The following SIPA1L3 variants were observed in gnomAD, a reference collection of about 807,000 sequenced individuals.
The protein encoded by SIPA1L3 is signal induced proliferation associated 1 like 3.
Under a neutral mutation model 150.1 loss-of-function variants are expected in SIPA1L3, and 59 were observed. That is an observed-to-expected ratio of 0.39 (90% CI 0.32 to 0.49). SIPA1L3 has a LOEUF of 0.49. Ranked by LOEUF, SIPA1L3 falls within the 20% of genes least tolerant of loss-of-function variation. The pLI is 0.86. For missense variants in SIPA1L3, 2,211 were observed against 2,489.5 expected (o/e 0.89, Z 2.38); for synonymous variants, 1,070 against 1,077.6 (o/e 0.99, Z 0.14).
intron 1 of SIPA1L3, among the ~76,000 whole-genome samples, chr19:37,973,079 G>A (rs1966980600): frequency 6.6e-6 from 1 of 151,746 alleles, no homozygotes; most frequent in Non-Finnish European, 1.5e-5. Flanking sequence ...AAAGGGGGGA[G>A]GATAGGTATT....
At chr19:37,956,062 G>A (rs989000799) in intron 1 of SIPA1L3, among the ~76,000 whole-genome samples, 1 of 152,158 alleles carries the variant, frequency 6.6e-6, no homozygotes, top group Non-Finnish European at 1.5e-5. Context: ...TGATCATGGC[G>A]CACTACAGTA....
At chr19:38,165,014 A>C in intron 15 of SIPA1L3, 108 bp downstream of exon 15, 1 of 1,032,390 alleles carries the variant, frequency 9.7e-7, no homozygotes, top group Non-Finnish European at 1.4e-6. Context: ...CTCACGGATG[A>C]ATGCGCCTAG....
In SIPA1L3 at chr19:38,192,299, A is replaced by G; in HGVS notation, c.4585A>G (p.Arg1529Gly). Residue 1529 changes from arginine (R) to glycine (G), a missense_variant, in exon 17 of 22, where the codon AGA (arginine) becomes GGA (glycine). Arg to Gly is a moderately radical substitution (Grantham distance 125). Around this residue, in one of 5 missense-constraint regions of SIPA1L3, gnomAD observed 806 missense variants for 870.1 expected, o/e 0.93. Coordinates refer to ENST00000222345, the MANE Select transcript of SIPA1L3 (RefSeq NM_015073.3). ...IMDNLGPEQE[R>G]DTGQSPQKGL... ...GGACAACCTGGGGCCAGAGCAGGAG[A>G]GAGACACGGGAGTACGTAGGGCCCT... 1 of 1,607,418 alleles carries G rather than the reference A, an allele frequency of 6.2e-7. No homozygotes were observed. Among genetic ancestry groups the G allele is most frequent in the East Asian group, 2.2e-5 (1 of 44,494 alleles).
intron 10 of SIPA1L3, among the ~76,000 whole-genome samples, chr19:38,138,511 C>G (rs1008992794): frequency 1.6e-5 from 1 of 62,998 alleles, no homozygotes; most frequent in African/African-American, 1.0e-4. Flanking sequence ...ACTCAGACAC[C>G]CTCACCAGGA....
chr19:38,188,377 G>A (rs966136967), intron 16 of SIPA1L3, among the ~76,000 whole-genome samples: 1 of 151,554 alleles, frequency 6.6e-6, no homozygotes, highest in East Asian at 2.0e-4. Flanking sequence ...TAGAGAAGGG[G>A]TTTTACCATG....
At chr19:38,107,243 T>C (rs1331510289) in intron 7 of SIPA1L3, among the ~76,000 whole-genome samples, 1 of 152,072 alleles carries the variant, frequency 6.6e-6, no homozygotes. Context: ...CAGAGCTGAG[T>C]CTCATTGGAC....
intron 1 of SIPA1L3, among the ~76,000 whole-genome samples, chr19:37,963,086 T>C (rs2046873964): frequency 6.6e-6 from 1 of 152,238 alleles, no homozygotes; most frequent in Non-Finnish European, 1.5e-5. Context: ...CCAATAAAGC[T>C]TCCATCCTTT....
chr19:38,119,982 G>A (rs750177289), intron 9 of SIPA1L3, 100 bp downstream of exon 9: 11 of 761,986 alleles, frequency 1.4e-5, no homozygotes, highest in South Asian at 3.7e-5. Flanking sequence ...GCTAAGACAC[G>A]CACTGGCCCG....
At chr19:38,089,063 G>A (rs1970204372) in intron 4 of SIPA1L3, among the ~76,000 whole-genome samples, 2 of 152,124 alleles carry the variant, frequency 1.3e-5, no homozygotes, top group Non-Finnish European at 2.9e-5. Context: ...GCTCACGCCT[G>A]TAATCCCAGC....
rs556851217 is a variant in SIPA1L3 at position 38,109,089 on chromosome 19, G to A, written c.2134-1138G>A. ...CTGTGAAGATAACAGAGTCTTCCTC[G>A]GAGACTGACCAGCAGGGGAGAGGTG... is the stretch of plus-strand genomic sequence containing the variant. On this transcript the variant is annotated intron_variant, in intron 7 of 21. Transcript: ENST00000222345. Among the ~76,000 whole-genome samples the A allele has an allele frequency of 1.3e-4, 20 of 152,224 alleles. No individual in the cohort carries two copies. In the South Asian group the frequency reaches 3.5e-3, roughly 27 times the overall value.
intron 13 of SIPA1L3, among the ~76,000 whole-genome samples, chr19:38,156,218 G>A (rs1971946423): frequency 6.6e-6 from 1 of 152,054 alleles, no homozygotes; most frequent in Non-Finnish European, 1.5e-5. Context: ...GTCACTGCCT[G>A]CAATTCTGTC....
At chr19:38,060,633 C>G (rs1443551758) in intron 2 of SIPA1L3, among the ~76,000 whole-genome samples, 1 of 152,180 alleles carries the variant, frequency 6.6e-6, no homozygotes, top group Non-Finnish European at 1.5e-5. Context: ...GATCTTTGCT[C>G]TGCAATGAGC....
chr19:38,082,646 T>G lies in SIPA1L3; in HGVS notation c.1081T>G (p.Ser361Ala). Reference protein sequence around the residue: ...DLNEAAANRVSVSQRRNTTTG... With the variant: ...DLNEAAANRVAVSQRRNTTTG... ...CAACGAGGCGGCCGCCAACAGGGTG[T>G]CGGTGTCGCAGCGGCGGAACACCAC... The change falls in exon 3 of 22, where the codon TCG becomes GCG. Residue 361 changes from serine (S) to alanine (A), a missense_variant. Transcript: ENST00000222345. The G allele has an allele frequency of 1.2e-6, 2 of 1,606,668 alleles. No homozygotes were observed.
At chr19:37,976,637 C>A (rs1967083609) in intron 1 of SIPA1L3, among the ~76,000 whole-genome samples, 1 of 152,084 alleles carries the variant, frequency 6.6e-6, no homozygotes, top group South Asian at 2.1e-4. Context: ...GAATCCCAAC[C>A]TCACTCCTTA....
intron 1 of SIPA1L3, among the ~76,000 whole-genome samples, chr19:37,923,791 G>A (rs1261803454): frequency 2.0e-5 from 3 of 148,488 alleles, no homozygotes; most frequent in Admixed American, 6.7e-5. Flanking sequence ...ACAGAGTCTC[G>A]TTCTGTTACC....
At position 38,082,658 on chromosome 19, in the gene SIPA1L3, C is replaced by T. The variant is rs369088394; in HGVS notation, c.1093C>T (p.Arg365Trp). The T allele has an allele frequency of 1.1e-4, 173 of 1,607,384 alleles. No individual in the cohort carries two copies. The highest frequency in any genetic ancestry group is 1.4e-4 in the Non-Finnish European group (167 of 1,179,604). ...AAANRVSVSQ[R>W]RNTTTGASAA... ...CGCCAACAGGGTGTCGGTGTCGCAG[C>T]GGCGGAACACCACCACGGGTGCTTC... The change falls in exon 3 of 22, where the codon CGG becomes TGG. Residue 365 changes from arginine (R) to tryptophan (W), a missense_variant. Arg to Trp is a moderately radical substitution (Grantham distance 101). Coordinates refer to ENST00000222345, the MANE Select transcript of SIPA1L3 (RefSeq NM_015073.3).
At chr19:38,198,275 T>G (rs1196977362) in intron 18 of SIPA1L3, 114 bp from the exon 19 acceptor site, 1 of 1,246,268 alleles carries the variant, frequency 8.0e-7, no homozygotes, top group African/African-American at 1.6e-5. Flanking sequence ...CTTACCCTGC[T>G]GGAGGTTTTC....
intron 1 of SIPA1L3, among the ~76,000 whole-genome samples, chr19:37,958,798 G>A (rs1052284749): frequency 2.0e-5 from 3 of 152,150 alleles, no homozygotes; most frequent in Non-Finnish European, 4.4e-5. Flanking sequence ...GTCTATAAAG[G>A]ACTTATGTGC....
intron 2 of SIPA1L3, among the ~76,000 whole-genome samples, chr19:38,068,526 C>T (rs528339362): frequency 6.6e-6 from 1 of 152,230 alleles, no homozygotes; most frequent in East Asian, 1.9e-4. Context: ...CCCACCTGCC[C>T]CTCGTAACCT....
Sources: gnomAD v4.1 joint callset for allele counts (sites outside exome capture counted in the v4.1 genomes callset) on GRCh38, gnomAD v4.1.1 for gene constraint, gnomAD v4.1.1 regional missense constraint, MANE v1.5 for transcripts, NCBI Gene and HGNC (gene_info 2026-07-23, HGNC 2026-07-21) for gene names.